Variants in PCDHGA9 observed in about 807,000 individuals in gnomAD.
PCDHGA9 encodes protocadherin gamma subfamily A, 9, also known as protocadherin gamma-A9.
In PCDHGA9, 37 loss-of-function variants were observed where a neutral mutation model predicts 62.5. That is an observed-to-expected ratio of 0.59 (90% CI 0.46 to 0.78). PCDHGA9 has a LOEUF of 0.78. Among genes scored for constraint, PCDHGA9 ranks in the 30% least tolerant of loss-of-function variants. The pLI is 0.00. For synonymous variants in PCDHGA9, 459 were observed against 484.6 expected (o/e 0.95, Z 0.69); for missense variants, 1,138 against 1,166.2 (o/e 0.98, Z 0.35).
intron 1 of PCDHGA9, chr5:141,417,686 G>A (rs1300052006): frequency 8.4e-6 from 9 of 1,068,196 alleles, no homozygotes; most frequent in South Asian, 1.8e-5. Context: ...CAACAGAAAA[G>A]AAAACCAGCT....
intron 1 of PCDHGA9, among the ~76,000 whole-genome samples, chr5:141,455,899 ATTT>A (rs1561962776): frequency 1.3e-5 from 2 of 148,258 alleles, no homozygotes; most frequent in Non-Finnish European, 3.0e-5. Flanking sequence ...TTATTTATTT[ATTT>A]ATTTATTTAT....
intron 1 of PCDHGA9, chr5:141,422,941 G>C (rs777535652): frequency 1.2e-6 from 2 of 1,614,218 alleles, no homozygotes; most frequent in Non-Finnish European, 1.7e-6. Context: ...CCCCACAGAC[G>C]GCTCCACTGG....
At chr5:141,415,288 T>C in intron 1 of PCDHGA9, 6 of 1,614,202 alleles carry the variant, frequency 3.7e-6, no homozygotes, top group Non-Finnish European at 5.1e-6. Flanking sequence ...GGCCGCGGTC[T>C]CCTGCGTCTT....
chr5:141,404,421 C>T lies in PCDHGA9; in HGVS notation c.1469C>T (p.Ser490Phe), dbSNP rs199749783. The T allele has an allele frequency of 1.2e-6, 2 of 1,613,574 alleles. No individual in the cohort carries two copies. The highest frequency in any genetic ancestry group is 1.7e-6 in the Non-Finnish European group (2 of 1,179,722). ...DSNENSRVIY[S>F]LAEDTIQGSP... Reference sequence around the variant, plus strand: ...AATGAGAATTCTAGAGTTATTTACTCCTTGGCAGAGGATACCATCCAAGGG... The same window carrying T: ...AATGAGAATTCTAGAGTTATTTACTTCTTGGCAGAGGATACCATCCAAGGG... The change falls in exon 1 of 4, where the codon TCC (serine) becomes TTC (phenylalanine). Residue 490 changes from serine to phenylalanine, a missense_variant. Physicochemically the swap from Ser to Phe is radical, Grantham distance 155. Transcript: ENST00000573521.
At chr5:141,410,260 T>C in intron 1 of PCDHGA9, 1 of 1,614,054 alleles carries the variant, frequency 6.2e-7, no homozygotes, top group Non-Finnish European at 8.5e-7. Context: ...ACCCCCAGGC[T>C]GAACTGCAGT....
In PCDHGA9 at chr5:141,491,219, C is replaced by T; in HGVS notation, c.2425-3588C>T. ...GGTGACCCTTCACTCTCCTCCACAG[C>T]CACAGTGCTGCTGGTTCTGGAGGAT... is the stretch of plus-strand genomic sequence containing the variant. On this transcript the variant is annotated intron_variant, in intron 1 of 3. Coordinates refer to ENST00000573521, the MANE Select transcript of PCDHGA9 (RefSeq NM_018921.3). The surrounding 1 kb of genome is among the most constrained non-coding windows in gnomAD (Gnocchi z 6.9). 3 of 1,614,208 alleles carry T rather than the reference C, an allele frequency of 1.9e-6. No homozygotes were observed. The highest frequency in any genetic ancestry group is 2.5e-6 in the Non-Finnish European group (3 of 1,180,028).
At chr5:141,458,513 G>GT (rs537551567) in intron 1 of PCDHGA9, among the ~76,000 whole-genome samples, 9,886 of 146,106 alleles carry the variant, frequency 0.068, 671 homozygotes, top group African/African-American at 0.18. Flanking sequence ...TTGACACTTT[G>GT]TTTTTTTTTT....
At chr5:141,478,526 G>A (rs1402123535) in intron 1 of PCDHGA9, 1 of 1,609,906 alleles carries the variant, frequency 6.2e-7, no homozygotes, top group Admixed American at 1.7e-5. Context: ...GTTGGGTGCA[G>A]AGAGCGCCCC....
chr5:141,418,013 A>C (rs769578436), intron 1 of PCDHGA9: 2 of 1,613,906 alleles, frequency 1.2e-6, no homozygotes, highest in African/African-American at 2.7e-5. Flanking sequence ...GAACCTCGCT[A>C]AGGATCTAGG....
In PCDHGA9 at chr5:141,422,884, G is replaced by C. The variant is rs202035589; in HGVS notation, c.2424+17508G>C. On this transcript the variant is annotated intron_variant, in intron 1 of 3. Transcript: ENST00000573521. ...CAGCAACGTGTCGCTGAGCCTGTTC[G>C]TGCTGGACCAGAACGACAATGCGCC... The C allele has an allele frequency of 1.7e-4, 278 of 1,614,240 alleles. No homozygotes were observed. The African/African-American group carries it at 2.0e-3, about 12-fold the overall frequency.
chr5:141,495,878 T>C (rs2099764378), intron 2 of PCDHGA9, among the ~76,000 whole-genome samples: 1 of 152,184 alleles, frequency 6.6e-6, no homozygotes, highest in African/African-American at 2.4e-5. Context: ...TTCCTCTCTG[T>C]TCTTTGTCTC....
rs2099389707 is a variant in PCDHGA9, at chr5:141,476,358, G to A, written c.2425-18449G>A. On this transcript the variant is annotated intron_variant, in intron 1 of 3. Transcript: ENST00000573521. This position sits in a 1 kb window ranked among gnomAD's most constrained non-coding sequence, Gnocchi z 7.6. ...AGCCGAAGATTCTTTGAGGTGAACC[G>A]GGAGACCGGAGAGATGTTTGTGAAC... 6.2e-7 allele frequency: 1 copy of A among 1,614,134 alleles called. No individual in the cohort carries two copies. The highest frequency in any genetic ancestry group is 8.5e-7 in the Non-Finnish European group (1 of 1,180,022).
intron 1 of PCDHGA9, chr5:141,423,087 G>C (rs756067751): frequency 1.2e-6 from 2 of 1,613,936 alleles, no homozygotes; most frequent in African/African-American, 1.3e-5. Context: ...TCTTCGCGGT[G>C]GGGGAGCACA....
chr5:141,455,580 T>G (rs572453788), intron 1 of PCDHGA9, among the ~76,000 whole-genome samples: 26 of 152,142 alleles, frequency 1.7e-4, no homozygotes, highest in Middle Eastern at 3.2e-3. Context: ...ACCCCAGCCT[T>G]TTAATATGCA....
At position 141,464,471 on chromosome 5, in the gene PCDHGA9, G is replaced by A. The variant is rs142068327; in HGVS notation, c.2425-30336G>A. On this transcript the variant is annotated intron_variant, in intron 1 of 3. Coordinates refer to ENST00000573521, the MANE Select transcript of PCDHGA9 (RefSeq NM_018921.3). ...TTGTTGTTATTTTTGAAGTATGTAC[G>A]TATAATAAATTCCTAATAGTGTGAT... Among the ~76,000 whole-genome samples, 204 of 151,612 alleles carry A rather than the reference G, an allele frequency of 1.3e-3. 1 individual carries two copies. The highest frequency in any genetic ancestry group is 2.3e-3 in the Non-Finnish European group (156 of 67,928).
Position 141,407,988 on chromosome 5 carries a change from C to T in PCDHGA9, c.2424+2612C>T, listed in dbSNP as rs923527525. 1.3e-4 allele frequency: 104 copies of T among 827,076 alleles called. 1 individual carries two copies. The highest frequency in any genetic ancestry group is 3.7e-4 in the Middle Eastern group (1 of 2,684). 51.2% of individuals were successfully genotyped at this position (827,076 alleles called of 1,614,324 possible). ...GCGCTGACGCCGGGGATCCGTCAGC[C>T]TCTGGCCTGGGATTCCCTGCGCAGC... On this transcript the variant is annotated intron_variant, in intron 1 of 3. Transcript: ENST00000573521.
chr5:141,497,885 A>T (rs1469477968), intron 2 of PCDHGA9, among the ~76,000 whole-genome samples: 1 of 152,166 alleles, frequency 6.6e-6, no homozygotes, highest in Non-Finnish European at 1.5e-5. Flanking sequence ...AAGCGTTAGG[A>T]TCTAGTCCAG....
chr5:141,432,235 T>C lies in PCDHGA9; in HGVS notation c.2424+26859T>C, dbSNP rs1240828849. 1 of 1,614,102 alleles carries C rather than the reference T, an allele frequency of 6.2e-7. No individual in the cohort carries two copies. The highest frequency in any genetic ancestry group is 8.5e-7 in the Non-Finnish European group (1 of 1,180,050). ...ACGCCCAGATCACTTATTCCCTGGC[T>C]GAGAACACCATCCAAGGGGCAAGCC... On this transcript the variant is annotated intron_variant, in intron 1 of 3. Transcript: ENST00000573521. The surrounding 1 kb of genome is among the most constrained non-coding windows in gnomAD (Gnocchi z 6.0).
At position 141,404,133 on chromosome 5, in the gene PCDHGA9, T is replaced by C; in HGVS notation, c.1181T>C (p.Leu394Ser). ...CSIQENLSFT[L>S]ENSEEDYYRL... The stretch of plus-strand genomic sequence containing the variant: ...ATCCAGGAGAATCTATCTTTTACAT[T>C]AGAAAATTCAGAAGAAGATTATTAC... The change falls in exon 1 of 4, where the codon TTA becomes TCA. Residue 394 changes from leucine (L) to serine (S), a missense_variant. Coordinates refer to ENST00000573521, the MANE Select transcript of PCDHGA9 (RefSeq NM_018921.3). 6.2e-7 allele frequency: 1 copy of C among 1,613,108 alleles called. No individual in the cohort carries two copies. Among genetic ancestry groups the C allele is most frequent in the Non-Finnish European group, 8.5e-7 (1 of 1,179,460 alleles).
Sources: gnomAD v4.1 joint callset for allele counts (sites outside exome capture counted in the v4.1 genomes callset) on GRCh38, gnomAD v4.1.1 for gene constraint, Gnocchi (gnomAD v3.1) non-coding constraint, MANE v1.5 for transcripts, NCBI Gene and HGNC (gene_info 2026-07-23, HGNC 2026-07-21) for gene names.